Variants in HOMER1 observed in about 807,000 individuals in gnomAD.
HOMER1 encodes the protein homer protein homolog 1.
In HOMER1, 3 loss-of-function variants were observed where a neutral mutation model predicts 48.9. The observed-to-expected ratio is 0.06, with a 90% confidence interval of 0.03 to 0.16. The LOEUF is 0.16. Ranked by LOEUF, HOMER1 falls within the 10% of genes least tolerant of loss-of-function variation. The pLI is 1.00. For synonymous variants in HOMER1, 134 were observed against 146.4 expected (o/e 0.92, Z 0.61); for missense variants, 247 against 411.4 (o/e 0.60, Z 3.46).
At chr5:79,505,667 G>C (rs1752747081) in intron 1 of HOMER1, among the ~76,000 whole-genome samples, 1 of 152,060 alleles carries the variant, frequency 6.6e-6, no homozygotes, top group South Asian at 2.1e-4. Context: ...TTAATATTAG[G>C]TGTTAAGAGA....
intron 1 of HOMER1, among the ~76,000 whole-genome samples, chr5:79,477,429 G>A (rs928419915): frequency 6.6e-6 from 1 of 152,192 alleles, no homozygotes; most frequent in Non-Finnish European, 1.5e-5. Flanking sequence ...AGCATGGGCT[G>A]AGCTTTTGTC....
intron 1 of HOMER1, among the ~76,000 whole-genome samples, chr5:79,459,169 T>C (rs1259165862): frequency 1.3e-5 from 2 of 152,048 alleles, no homozygotes; most frequent in Admixed American, 6.5e-5. Flanking sequence ...CACAAGTTGG[T>C]GATTATAAGA....
intron 2 of HOMER1, among the ~76,000 whole-genome samples, chr5:79,453,397 C>T (rs533888951): frequency 6.6e-6 from 1 of 152,298 alleles, no homozygotes; most frequent in East Asian, 1.9e-4. Flanking sequence ...TTAACTATTT[C>T]AAATTAACTT....
In HOMER1 at chr5:79,373,011, C is replaced by A. The variant is rs1187909495; in HGVS notation, c.*2998G>T. On this transcript the variant is annotated 3_prime_UTR_variant, in exon 9 of 9. Transcript: ENST00000334082. ...ATAGAGACAAGGAGAGATGCAACTT[C>A]GTGAGCATGTTTTAGTCTGCAGAAA... 6.6e-6 allele frequency: 1 copy of A among 151,874 alleles called. No homozygotes were observed. The highest frequency in any genetic ancestry group is 1.5e-5 in the Non-Finnish European group (1 of 67,950). The allele number at this position is 151,874 out of a possible 1,614,324, so 9.4% of individuals were successfully genotyped here.
intron 5 of HOMER1, among the ~76,000 whole-genome samples, chr5:79,422,171 G>C (rs1002097347): frequency 7.9e-5 from 12 of 151,854 alleles, no homozygotes; most frequent in Admixed American, 7.9e-4. Flanking sequence ...AGGTTGCAGT[G>C]AGCCAAGATC....
At chr5:79,402,084 C>A (rs1328862253) in intron 5 of HOMER1, 29 bp from the exon 6 acceptor site, 2 of 1,586,624 alleles carry the variant, frequency 1.3e-6, no homozygotes, top group Non-Finnish European at 1.7e-6. Flanking sequence ...AAAATTCTAT[C>A]CATTACACCA....
intron 1 of HOMER1, among the ~76,000 whole-genome samples, chr5:79,478,203 T>G (rs1751839779): frequency 6.6e-6 from 1 of 152,202 alleles, no homozygotes; most frequent in South Asian, 2.1e-4. Flanking sequence ...GCTGTAGAAC[T>G]CCAACACATC....
In HOMER1 at chr5:79,374,658, G is replaced by T. The variant is rs1447654432; in HGVS notation, c.*1351C>A. 1 of 151,974 alleles carries T rather than the reference G, an allele frequency of 6.6e-6. No homozygotes were observed. The highest frequency in any genetic ancestry group is 1.5e-5 in the Non-Finnish European group (1 of 67,904). 9.4% of individuals were successfully genotyped at this position (151,974 alleles called of 1,614,324 possible). A position where few individuals can be genotyped will look rare whatever the true frequency, so the allele number is the denominator to read the frequency against. On this transcript the variant is annotated 3_prime_UTR_variant, in exon 9 of 9. Coordinates refer to ENST00000334082, the MANE Select transcript of HOMER1 (RefSeq NM_004272.5). ...CAGGCATTGTACAGCAAGAATATAT[G>T]TACTCTGATGCAATTCCTACTTTAT...
chr5:79,389,452 G>T (rs186840085), intron 8 of HOMER1, among the ~76,000 whole-genome samples: 68 of 152,296 alleles, frequency 4.5e-4, no homozygotes, highest in Admixed American at 3.3e-3. Context: ...GTGTTGAAAT[G>T]TAGTGGCCAA....
rs189330209 is a variant in HOMER1 at position 79,485,606 on chromosome 5, A to G, written c.5+27164T>C. ...AGGTCCAATGCTAGGTACTTAGTAC[A>G]TGACAGGTCATAACACCCATGGACT... On this transcript the variant is annotated intron_variant, in intron 1 of 8. Coordinates refer to ENST00000334082, the MANE Select transcript of HOMER1 (RefSeq NM_004272.5). 1.2e-3 allele frequency among the ~76,000 whole-genome samples: 178 copies of G among 152,370 alleles called. 1 individual carries two copies. In the Middle Eastern group the frequency reaches 0.014, roughly 12 times the overall value.
intron 1 of HOMER1, among the ~76,000 whole-genome samples, chr5:79,466,496 C>CAAA (rs1394027313): frequency 1.5e-5 from 2 of 131,626 alleles, no homozygotes; most frequent in African/African-American, 5.6e-5. Context: ...GACCCTGTCT[C>CAAA]AAAAATAATA....
At position 79,463,199 on chromosome 5, in the gene HOMER1, A is replaced by G. The variant is rs141861100; in HGVS notation, c.6-6181T>C. ...CCTCAGATACTCTACCCTCTTCCAT[A>G]TGACTGTGAGCTTCGCTAAGGATAA... On this transcript the variant is annotated intron_variant, in intron 1 of 8. Coordinates refer to ENST00000334082, the MANE Select transcript of HOMER1 (RefSeq NM_004272.5). 1.2e-4 allele frequency among the ~76,000 whole-genome samples: 19 copies of G among 152,252 alleles called. No homozygotes were observed. The East Asian group carries it at 3.7e-3, about 29-fold the overall frequency.
chr5:79,450,474 A>G (rs1307355056), intron 3 of HOMER1, among the ~76,000 whole-genome samples: 1 of 152,174 alleles, frequency 6.6e-6, no homozygotes, highest in Non-Finnish European at 1.5e-5. Flanking sequence ...GTATTATCTA[A>G]AAATTCCTCA....
At chr5:79,435,860 C>T (rs1750565151) in intron 5 of HOMER1, among the ~76,000 whole-genome samples, 1 of 140,568 alleles carries the variant, frequency 7.1e-6, no homozygotes. Flanking sequence ...GGCGCGGTGG[C>T]TCACGCCTGT....
intron 1 of HOMER1, among the ~76,000 whole-genome samples, chr5:79,464,990 G>A (rs1751416040): frequency 6.6e-6 from 1 of 152,056 alleles, no homozygotes; most frequent in Non-Finnish European, 1.5e-5. Context: ...AAATTGTAAA[G>A]TAACCTTGCT....
intron 1 of HOMER1, among the ~76,000 whole-genome samples, chr5:79,501,281 A>G (rs990966200): frequency 6.6e-6 from 1 of 152,180 alleles, no homozygotes; most frequent in African/African-American, 2.4e-5. Context: ...CCTTTTCTTA[A>G]TAACACTTTC....
intron 5 of HOMER1, among the ~76,000 whole-genome samples, chr5:79,414,540 TGACTA>T (rs927170433): frequency 6.6e-6 from 1 of 151,830 alleles, no homozygotes; most frequent in Non-Finnish European, 1.5e-5. Flanking sequence ...CCACCACACT[TGACTA>T]ATTTTAAATT....
intron 5 of HOMER1, among the ~76,000 whole-genome samples, chr5:79,433,284 G>A (rs548461771): frequency 1.3e-5 from 2 of 152,112 alleles, no homozygotes. Context: ...TAAGATCAGG[G>A]CTGGGCGTGG....
chr5:79,406,984 G>A (rs1459706839), intron 5 of HOMER1, among the ~76,000 whole-genome samples: 1 of 152,186 alleles, frequency 6.6e-6, no homozygotes, highest in Admixed American at 6.5e-5. Flanking sequence ...TCCACTGCAG[G>A]AAGGTCAAGA....
Sources: gnomAD v4.1 joint callset for allele counts (sites outside exome capture counted in the v4.1 genomes callset) on GRCh38, gnomAD v4.1.1 for gene constraint, MANE v1.5 for transcripts, NCBI Gene and HGNC (gene_info 2026-07-23, HGNC 2026-07-21) for gene names.